COL25A1: variants seen among roughly 807,000 people sequenced by gnomAD.
COL25A1 encodes the protein collagen alpha-1(XXV) chain.
COL25A1 carries 103 observed loss-of-function variants against 128.4 expected under a neutral mutation model. The observed-to-expected ratio is 0.80, with a 90% confidence interval of 0.68 to 0.94. The LOEUF (loss-of-function observed/expected upper bound fraction) is 0.94. COL25A1 is among the 40% of genes least tolerant of loss of function. The probability of loss-of-function intolerance (pLI) is 0.00; values close to 1 mark genes in which losing one functional copy is unlikely to be tolerated. For missense variants in COL25A1, 745 were observed against 840.0 expected (o/e 0.89, Z 1.40); for synonymous variants, 279 against 277.2 (o/e 1.01, Z -0.06).
intron 3 of COL25A1, among the ~76,000 whole-genome samples, chr4:109,278,543 T>C (rs1723065397): frequency 6.6e-6 from 1 of 152,216 alleles, no homozygotes; most frequent in Non-Finnish European, 1.5e-5. Flanking sequence ...CTAAATATAC[T>C]ATCAAATATA....
intron 3 of COL25A1, among the ~76,000 whole-genome samples, chr4:109,148,980 C>A (rs773298813): frequency 6.6e-6 from 1 of 152,164 alleles, no homozygotes; most frequent in Non-Finnish European, 1.5e-5. Flanking sequence ...CCTTTGAAGT[C>A]TTTCTTCAAA....
intron 3 of COL25A1, among the ~76,000 whole-genome samples, chr4:109,063,575 T>C (rs577520541): frequency 6.0e-5 from 9 of 150,596 alleles, no homozygotes; most frequent in Admixed American, 5.9e-4. Context: ...AGTGCAGTGG[T>C]TCACATCTGC....
At chr4:108,818,801 C>A (rs1731487180) in intron 36 of COL25A1, among the ~76,000 whole-genome samples, 1 of 151,382 alleles carries the variant, frequency 6.6e-6, no homozygotes, top group Non-Finnish European at 1.5e-5. Flanking sequence ...AAGCTGAATT[C>A]CGTAGGTTGG....
chr4:109,239,726 T>G (rs1217611576), intron 3 of COL25A1, among the ~76,000 whole-genome samples: 2 of 151,874 alleles, frequency 1.3e-5, no homozygotes, highest in African/African-American at 2.4e-5. Flanking sequence ...ACTAAATTTA[T>G]TTTTTAAAAT....
At chr4:109,235,056 T>C (rs539580184) in intron 3 of COL25A1, among the ~76,000 whole-genome samples, 2 of 152,200 alleles carry the variant, frequency 1.3e-5, no homozygotes, top group African/African-American at 4.8e-5. Flanking sequence ...CAGTCACTGT[T>C]TGGGTCAGAA....
intron 3 of COL25A1, among the ~76,000 whole-genome samples, chr4:109,237,674 T>A (rs911507287): frequency 6.6e-6 from 1 of 151,758 alleles, no homozygotes; most frequent in African/African-American, 2.4e-5. Context: ...AAAATATGCA[T>A]AATGGAAAAT....
At chr4:109,176,436 G>A (rs1578361347) in intron 3 of COL25A1, among the ~76,000 whole-genome samples, 2 of 152,222 alleles carry the variant, frequency 1.3e-5, no homozygotes, top group East Asian at 1.9e-4. Flanking sequence ...AAGAGTGGAG[G>A]ATAGGATCCA....
chr4:108,980,408 G>A (rs888539330), intron 6 of COL25A1, among the ~76,000 whole-genome samples: 1 of 152,200 alleles, frequency 6.6e-6, no homozygotes, highest in Non-Finnish European at 1.5e-5. Context: ...CTTATTTCAA[G>A]GTTCACAATT....
intron 6 of COL25A1, among the ~76,000 whole-genome samples, chr4:108,999,046 T>A (rs1211550467): frequency 6.6e-6 from 1 of 152,150 alleles, no homozygotes; most frequent in Non-Finnish European, 1.5e-5. Context: ...ATTGAGGACA[T>A]AGGCATGGGC....
chr4:109,145,207 A>G (rs1255192632), intron 3 of COL25A1, among the ~76,000 whole-genome samples: 1 of 151,704 alleles, frequency 6.6e-6, no homozygotes, highest in Non-Finnish European at 1.5e-5. Context: ...AGCTGGGACT[A>G]CAGGCGCCCG....
rs765991576 is a variant in COL25A1 at position 109,093,472 on chromosome 4, A to AAAAAAAAAAAAAAAAC, written c.368-43294_368-43293insGTTTTTTTTTTTTTTT. On this transcript the variant is annotated intron_variant, in intron 3 of 37. Transcript: ENST00000399132. Reference sequence around the variant, plus strand: ...CCATCTCTATGAAAAAAAAAAAAAAAAAAACCTTTTTTAAATTAGTTAACT... The same window carrying AAAAAAAAAAAAAAAAC: ...CCATCTCTATGAAAAAAAAAAAAAAAAAAAAAAAAAAAAAACAAAACCTTTTTTAAATTAGTTAACT... Among the ~76,000 whole-genome samples the AAAAAAAAAAAAAAAAC allele has an allele frequency of 5.7e-4, 83 of 145,498 alleles. 1 individual carries two copies. Among genetic ancestry groups the AAAAAAAAAAAAAAAAC allele is most frequent in the African/African-American group, 8.1e-4 (31 of 38,442 alleles).
chr4:109,264,596 T>C (rs1178246296), intron 3 of COL25A1, among the ~76,000 whole-genome samples: 2 of 152,204 alleles, frequency 1.3e-5, no homozygotes, highest in Non-Finnish European at 2.9e-5. Context: ...AAGTGTCTGG[T>C]GTGAACGATG....
intron 6 of COL25A1, among the ~76,000 whole-genome samples, chr4:108,984,615 G>C (rs1753450122): frequency 6.6e-6 from 1 of 152,230 alleles, no homozygotes; most frequent in African/African-American, 2.4e-5. Flanking sequence ...CTCACTGCCC[G>C]CGGCAGGTGG....
intron 3 of COL25A1, among the ~76,000 whole-genome samples, chr4:109,115,612 C>T (rs1021331570): frequency 2.6e-5 from 4 of 152,046 alleles, no homozygotes; most frequent in African/African-American, 9.7e-5. Context: ...ATGATTAAAA[C>T]CACAGGAAGT....
At chr4:109,233,875 C>T (rs555035468) in intron 3 of COL25A1, among the ~76,000 whole-genome samples, 1 of 152,194 alleles carries the variant, frequency 6.6e-6, no homozygotes, top group East Asian at 1.9e-4. Context: ...ATCTACTCAA[C>T]AATTTCATGG....
At chr4:108,977,124 C>T (rs1282286948) in intron 6 of COL25A1, among the ~76,000 whole-genome samples, 2 of 152,130 alleles carry the variant, frequency 1.3e-5, no homozygotes, top group African/African-American at 2.4e-5. Context: ...TATCTGGTGC[C>T]TGCCTTCAAC....
chr4:108,832,990 A>AATAAATACATAAATAAATAAATAC (rs1315517848), intron 31 of COL25A1, among the ~76,000 whole-genome samples: 2 of 145,972 alleles, frequency 1.4e-5, no homozygotes, highest in African/African-American at 5.5e-5. Flanking sequence ...TAAATAAATA[A>AATAAATACATAAATAAATAAATAC]ATAAATAAAT....
intron 3 of COL25A1, among the ~76,000 whole-genome samples, chr4:109,275,965 A>C (rs1247446628): frequency 6.6e-6 from 1 of 152,058 alleles, no homozygotes; most frequent in African/African-American, 2.4e-5. Flanking sequence ...GCAAACACCT[A>C]CCCATTATTC....
At chr4:109,159,625 G>A (rs1046736542) in intron 3 of COL25A1, among the ~76,000 whole-genome samples, 36 of 151,930 alleles carry the variant, frequency 2.4e-4, no homozygotes, top group Non-Finnish European at 4.7e-4. Flanking sequence ...ATGAATAAAA[G>A]GAAAAAGAAA....
Sources: gnomAD v4.1 joint callset for allele counts (sites outside exome capture counted in the v4.1 genomes callset) on GRCh38, gnomAD v4.1.1 for gene constraint, MANE v1.5 for transcripts, NCBI Gene and HGNC (gene_info 2026-07-23, HGNC 2026-07-21) for gene names.